Variants in PRRC2A observed in about 807,000 individuals in gnomAD.
PRRC2A encodes protein PRRC2A.
A neutral mutation model predicts 224.6 loss-of-function variants in PRRC2A; 59 were observed. The ratio of observed to expected loss-of-function variants is 0.26; its 90% CI spans 0.21 to 0.33. PRRC2A has a LOEUF of 0.33. Among genes scored for constraint, PRRC2A ranks in the 10% least tolerant of loss-of-function variants. The probability of loss-of-function intolerance (pLI) is 1.00; values close to 1 mark genes in which losing one functional copy is unlikely to be tolerated. For missense variants in PRRC2A, 3,095 were observed against 2,880.7 expected (o/e 1.07, Z -1.70); for synonymous variants, 1,194 against 1,109.5 (o/e 1.08, Z -1.51).
At position 31,622,684 on chromosome 6, in the gene PRRC2A, G is replaced by A. The variant is rs1775425589; in HGVS notation, c.-100-6G>A. On this transcript the variant is annotated splice_region_variant and splice_polypyrimidine_tract_variant and intron_variant, in intron 1 of 30. Transcript: ENST00000376033. ...AGTTTTTAAGTTTCTGTTATGGTCT[G>A]TACAGGGGACAGAGACTGAGACACT... The A allele has an allele frequency of 5.0e-6, 4 of 801,536 alleles. No homozygotes were observed. The highest frequency in any genetic ancestry group is 8.5e-6 in the Non-Finnish European group (4 of 468,132). 49.7% of individuals were successfully genotyped at this position (801,536 alleles called of 1,614,324 possible).
Position 31,632,231 on chromosome 6 carries a change from C to T in PRRC2A, c.3558C>T (p.Ser1186=), listed in dbSNP as rs1274789082. 9 of 1,612,576 alleles carry T rather than the reference C, an allele frequency of 5.6e-6. No homozygotes were observed. The highest frequency in any genetic ancestry group is 1.7e-6 in the Non-Finnish European group (2 of 1,179,812). The change falls in exon 16 of 31, where the codon AGC becomes AGT. Residue 1186 remains serine, a synonymous_variant. Coordinates refer to ENST00000376033, the MANE Select transcript of PRRC2A (RefSeq NM_004638.4). ...CTCCTCAAGTTTGCCCAGGCTGGAG[C>T]CCTCCAGCCAAGTCTCTGGCTCCCA... ...RPPPQVCPGW[S]PPAKSLAPKK...
rs747467407 is a variant in PRRC2A, at chr6:31,625,920, T to C, written c.839+49T>C. 1.3e-6 allele frequency: 2 copies of C among 1,580,870 alleles called. No homozygotes were observed. Among genetic ancestry groups the C allele is most frequent in the Non-Finnish European group, 8.7e-7 (1 of 1,153,940 alleles). On this transcript the variant is annotated intron_variant, in intron 8 of 30. Coordinates refer to ENST00000376033, the MANE Select transcript of PRRC2A (RefSeq NM_004638.4). This position sits in a 1 kb window ranked among gnomAD's most constrained non-coding sequence, Gnocchi z 4.1. ...GTGGCTGGGGGCAGGGGAAGCTTAT[T>C]GGGGGAGGAGATGGTTTTCTAGCCA...
At position 31,636,002 on chromosome 6, in the gene PRRC2A, A is replaced by G. The variant is rs1458376823; in HGVS notation, c.5577A>G (p.Pro1859=). The G allele has an allele frequency of 6.2e-6, 10 of 1,613,542 alleles. No individual in the cohort carries two copies. Among genetic ancestry groups the G allele is most frequent in the Non-Finnish European group, 8.5e-6 (10 of 1,179,560 alleles). The change falls in exon 25 of 31, where the codon CCA becomes CCG. Residue 1859 remains proline, a synonymous_variant. Transcript: ENST00000376033. The surrounding 1 kb of genome is among the most constrained non-coding windows in gnomAD (Gnocchi z 4.3). ...GAGCCATGGACTCTCAATTACATCC[A>G]AACAGTGGAGGCTTCCGCCCTGGGA... The part of the protein sequence containing the change: ...SGGAMDSQLH[P]NSGGFRPGTP...
rs779731179 is a variant in PRRC2A, at chr6:31,626,092, C to T, written c.912C>T (p.Pro304=). 6 of 1,612,860 alleles carry T rather than the reference C, an allele frequency of 3.7e-6. No individual in the cohort carries two copies. The South Asian group carries it at 5.5e-5, about 15-fold the overall frequency. Residue 304 remains proline (P), a synonymous_variant, in exon 9 of 31, where the codon CCC becomes CCT. Transcript: ENST00000376033. ...GCTTAGTAGAGCCTGTGGGTCGTCCCTCTATTCTCAAAGAGGATAATCTCA... is the reference window on the plus strand; with the variant it reads ...GCTTAGTAGAGCCTGTGGGTCGTCCTTCTATTCTCAAAGAGGATAATCTCA... ...PMRLVEPVGR[P]SILKEDNLKE... is the part of the protein sequence containing the mutation.
At position 31,629,255 on chromosome 6, in the gene PRRC2A, C is replaced by A. The variant is rs746899291; in HGVS notation, c.1877C>A (p.Thr626Asn). The A allele has an allele frequency of 4.3e-6, 7 of 1,610,938 alleles. No homozygotes were observed. Among genetic ancestry groups the A allele is most frequent in the Non-Finnish European group, 5.1e-6 (6 of 1,178,584 alleles). ...CCCAAGGGTGATGGGATTGGTCCCACCCGCCAGCCCCCTAGTCAGGGCTTG... is the reference window on the plus strand; with the variant it reads ...CCCAAGGGTGATGGGATTGGTCCCAACCGCCAGCCCCCTAGTCAGGGCTTG... ...VEPKGDGIGP[T>N]RQPPSQGLGY... is the part of the protein sequence containing the mutation. The change falls in exon 13 of 31, where the codon ACC (threonine) becomes AAC (asparagine). Residue 626 changes from threonine (T) to asparagine (N), a missense_variant. Around this residue, in one of 8 missense-constraint regions of PRRC2A, gnomAD observed 2,001 missense variants for 1,764.9 expected, o/e 1.13. Transcript: ENST00000376033.
Position 31,632,213 on chromosome 6 carries a change from A to T in PRRC2A, c.3540A>T (p.Gln1180His). The change falls in exon 16 of 31, where the codon CAA becomes CAT. Residue 1180 changes from glutamine to histidine, a missense_variant. Gln to His is a conservative substitution (Grantham distance 24). Transcript: ENST00000376033. ...RGRGGGRPPPQVCPGWSPPAK... is the reference protein window; with the variant it reads ...RGRGGGRPPPHVCPGWSPPAK... The stretch of plus-strand genomic sequence containing the variant: ...GAGGAGGAGGGAGGCCCCCTCCTCA[A>T]GTTTGCCCAGGCTGGAGCCCTCCAG... The T allele has an allele frequency of 6.2e-7, 1 of 1,609,636 alleles. No individual in the cohort carries two copies. The highest frequency in any genetic ancestry group is 8.5e-7 in the Non-Finnish European group (1 of 1,178,708).
rs1776489269 is a variant in PRRC2A at position 31,631,001 on chromosome 6, G to A, written c.2466-138G>A. The A allele has an allele frequency of 1.2e-5, 15 of 1,215,294 alleles. No individual in the cohort carries two copies. Among genetic ancestry groups the A allele is most frequent in the Non-Finnish European group, 1.6e-5 (14 of 879,346 alleles). 75.3% of individuals were successfully genotyped at this position (1,215,294 alleles called of 1,614,324 possible). On this transcript the variant is annotated intron_variant, in intron 15 of 30. Transcript: ENST00000376033. The surrounding 1 kb of genome is among the most constrained non-coding windows in gnomAD (Gnocchi z 4.5). ...AGCCCAGCAGTTCGAGACTAGCCTC[G>A]GCAACTGGATGCCATCTCTGCCAAA...
In PRRC2A at chr6:31,632,497, C is replaced by T. The variant is rs758506950; in HGVS notation, c.3824C>T (p.Pro1275Leu). 82 of 1,606,354 alleles carry T rather than the reference C, an allele frequency of 5.1e-5. No individual in the cohort carries two copies. The Admixed American group carries it at 1.3e-3, about 26-fold the overall frequency. ...GCCGCAAGGGGGTCTGAGGGCAAGC[C>T]CTCCCTAACCCTTCCAGCCTCCGCT... is the stretch of plus-strand genomic sequence containing the variant. ...ENAARGSEGK[P>L]SLTLPASAPG... Residue 1275 changes from proline to leucine, a missense_variant, in exon 16 of 31, where the codon CCC becomes CTC. Around this residue, in one of 8 missense-constraint regions of PRRC2A, gnomAD observed 2,001 missense variants for 1,764.9 expected, o/e 1.13. Coordinates refer to ENST00000376033, the MANE Select transcript of PRRC2A (RefSeq NM_004638.4).
rs1260838494 is a variant in PRRC2A at position 31,631,625 on chromosome 6, C to T, written c.2952C>T (p.Leu984=). ...CCAAACCCCCAAAGCCAGACCCACT[C>T]AAGATAACCAAGGGGAAGCTAGGGG... ...ETPKPPKPDP[L]KITKGKLGGP... is the part of the protein sequence containing the mutation. Residue 984 remains leucine, a synonymous_variant, in exon 16 of 31, where the codon CTC becomes CTT. Transcript: ENST00000376033. This position sits in a 1 kb window ranked among gnomAD's most constrained non-coding sequence, Gnocchi z 4.5. 3 of 1,522,846 alleles carry T rather than the reference C, an allele frequency of 2.0e-6. No individual in the cohort carries two copies. Among genetic ancestry groups the T allele is most frequent in the Non-Finnish European group, 2.6e-6 (3 of 1,138,532 alleles). 94.3% of individuals were successfully genotyped at this position (1,522,846 alleles called of 1,614,324 possible). A position where few individuals can be genotyped will look rare whatever the true frequency, so the allele number is the denominator to read the frequency against.
In PRRC2A at chr6:31,629,626, C is replaced by T; in HGVS notation, c.2035C>T (p.Pro679Ser). 1.2e-6 allele frequency: 2 copies of T among 1,612,732 alleles called. No individual in the cohort carries two copies. The highest frequency in any genetic ancestry group is 1.7e-6 in the Non-Finnish European group (2 of 1,179,670). ...CTCTGCCCCTCCTACCCCAGTGCCC[C>T]CATCACCACCACAGCCTGTGACCCT... ...QGSAPPTPVPPSPPQPVTLGA... is the reference protein window; with the variant it reads ...QGSAPPTPVPSSPPQPVTLGA... Residue 679 changes from proline (P) to serine (S), a missense_variant, in exon 14 of 31, where the codon CCA becomes TCA. Coordinates refer to ENST00000376033, the MANE Select transcript of PRRC2A (RefSeq NM_004638.4).
intron 12 of PRRC2A, 92 bp from the exon 13 acceptor site, chr6:31,629,052 A>C (rs1455005666): frequency 7.7e-7 from 1 of 1,290,708 alleles, no homozygotes; most frequent in East Asian, 2.3e-5. Context: ...TTTAGTCTTA[A>C]GGGAGCTAGA....
intron 30 of PRRC2A, 30 bp downstream of exon 30, chr6:31,637,354 C>T: frequency 1.9e-6 from 3 of 1,604,110 alleles, no homozygotes; most frequent in Non-Finnish European, 2.6e-6. Flanking sequence ...GGCCCCAACT[C>T]TAAATTCGAG....
At chr6:31,626,487 T>C (rs1775925134) in intron 9 of PRRC2A, among the ~76,000 whole-genome samples, 1 of 151,106 alleles carries the variant, frequency 6.6e-6, no homozygotes, top group South Asian at 2.1e-4. Context: ...AGCCCAGGAG[T>C]TGGAGGTCAC....
chr6:31,623,784 T>C lies in PRRC2A; in HGVS notation c.165T>C (p.Arg55=), dbSNP rs138699095. ...TCGGGAAAGTTGCCATTGCCCGGCG[T>C]ATGCCACCTCCAGCCAACCTTCCAA... The part of the protein sequence containing the change: ...QSLGKVAIAR[R]MPPPANLPSL... The change falls in exon 3 of 31, where the codon CGT becomes CGC. Residue 55 remains arginine, a synonymous_variant. Transcript: ENST00000376033. The C allele has an allele frequency of 3.8e-5, 62 of 1,614,086 alleles. No individual in the cohort carries two copies. The African/African-American group carries it at 4.4e-4, about 11-fold the overall frequency.
In PRRC2A at chr6:31,627,796, C is replaced by T; in HGVS notation, c.1322C>T (p.Ala441Val). ...DRGGPPCKPP[A>V]PEDEDEAWRQ... ...GGGGGTCCTCCCTGCAAGCCCCCAG[C>T]ACCTGAAGATGAGGATGAGGCATGG... is the stretch of plus-strand genomic sequence containing the variant. Residue 441 changes from alanine (A) to valine (V), a missense_variant, in exon 12 of 31, where the codon GCA (alanine) becomes GTA (valine). By Grantham distance (64) the Ala-to-Val change is moderately conservative. This residue lies in a region of PRRC2A where 2,001 missense variants were observed against 1,764.9 expected (regional missense o/e 1.13). Transcript: ENST00000376033. This position sits in a 1 kb window ranked among gnomAD's most constrained non-coding sequence, Gnocchi z 5.6. The T allele has an allele frequency of 6.2e-7, 1 of 1,612,992 alleles. No homozygotes were observed. The highest frequency in any genetic ancestry group is 8.5e-7 in the Non-Finnish European group (1 of 1,179,980).
At position 31,636,241 on chromosome 6, in the gene PRRC2A, C is replaced by T. The variant is rs772579283; in HGVS notation, c.5657C>T (p.Ala1886Val). ...SQPLYLPPGP[A>V]PPSALLSGLA... is the part of the protein sequence containing the mutation. ...CCCCTATACCTACCCCCCGGCCCAG[C>T]CCCTCCCTCAGCACTGCTCTCTGGG... The change falls in exon 26 of 31, where the codon GCC (alanine) becomes GTC (valine). Residue 1886 changes from alanine (A) to valine (V), a missense_variant. Physicochemically the swap from Ala to Val is moderately conservative, Grantham distance 64. Coordinates refer to ENST00000376033, the MANE Select transcript of PRRC2A (RefSeq NM_004638.4). This position sits in a 1 kb window ranked among gnomAD's most constrained non-coding sequence, Gnocchi z 4.3. The T allele has an allele frequency of 3.7e-6, 6 of 1,612,910 alleles. No individual in the cohort carries two copies. The Admixed American group carries it at 6.7e-5, about 18-fold the overall frequency.
Position 31,629,822 on chromosome 6 carries a change from A to G in PRRC2A, c.2231A>G (p.Tyr744Cys). The change falls in exon 14 of 31, where the codon TAC (tyrosine) becomes TGC (cysteine). Residue 744 changes from tyrosine to cysteine, a missense_variant. Around this residue, in one of 8 missense-constraint regions of PRRC2A, gnomAD observed 2,001 missense variants for 1,764.9 expected, o/e 1.13. Transcript: ENST00000376033. ...CAGGGTCGTCCCCCTCTAGACTTCT[A>G]CCCTCCTGGTGTGCATCCCTCTGGT... ...LLQGRPPLDF[Y>C]PPGVHPSGLV... 1.2e-6 allele frequency: 2 copies of G among 1,613,608 alleles called. No individual in the cohort carries two copies. Among genetic ancestry groups the G allele is most frequent in the African/African-American group, 1.3e-5 (1 of 74,920 alleles).
Position 31,637,522 on chromosome 6 carries a change from C to A in PRRC2A, c.6410C>A (p.Ser2137Tyr). Reference protein sequence around the residue: ...RTGPPPREGPSRRAEEPGSRG... With the variant: ...RTGPPPREGPYRRAEEPGSRG... The stretch of plus-strand genomic sequence containing the variant: ...GGGCCGCCACCTCGAGAAGGGCCCT[C>A]CCGACGGGCAGAGGAGCCTGGGTCC... The change falls in exon 31 of 31, where the codon TCC becomes TAC. Residue 2137 changes from serine to tyrosine, a missense_variant. Ser to Tyr is a moderately radical substitution (Grantham distance 144, BLOSUM62 -2). Coordinates refer to ENST00000376033, the MANE Select transcript of PRRC2A (RefSeq NM_004638.4). The A allele has an allele frequency of 6.3e-7, 1 of 1,585,608 alleles. No individual in the cohort carries two copies.
Position 31,635,953 on chromosome 6 carries a change from C to T in PRRC2A, c.5542-14C>T, listed in dbSNP as rs776158502. On this transcript the variant is annotated splice_polypyrimidine_tract_variant and intron_variant, in intron 24 of 30. Transcript: ENST00000376033. Reference sequence around the variant, plus strand: ...AGATACTAAAGCTGTTTCAACCGTGCTCCTCTCCTGCAGATCTCTGGGGGA... The same window carrying T: ...AGATACTAAAGCTGTTTCAACCGTGTTCCTCTCCTGCAGATCTCTGGGGGA... The T allele has an allele frequency of 1.9e-6, 3 of 1,599,476 alleles. No individual in the cohort carries two copies. Among genetic ancestry groups the T allele is most frequent in the Non-Finnish European group, 2.6e-6 (3 of 1,169,592 alleles).
Sources: allele counts gnomAD v4.1 joint callset (sites outside exome capture counted in the v4.1 genomes callset), GRCh38; gene constraint gnomAD v4.1.1; regional missense constraint gnomAD v4.1.1; non-coding constraint Gnocchi (gnomAD v3.1); transcripts MANE v1.5; gene names NCBI Gene and HGNC (gene_info 2026-07-23, HGNC 2026-07-21).